The following SLIT3 variants were observed in gnomAD, a reference collection of about 807,000 sequenced individuals.
The protein encoded by SLIT3 is slit guidance ligand 3, also known as slit homolog 3 protein.
Under a neutral mutation model 184.0 loss-of-function variants are expected in SLIT3, and 68 were observed. The observed-to-expected ratio is 0.37, with a 90% CI of 0.30 to 0.45. The LOEUF (loss-of-function observed/expected upper bound fraction) is 0.45. Among genes scored for constraint, SLIT3 ranks in the 20% least tolerant of loss-of-function variants. The probability of loss-of-function intolerance (pLI) is 1.00; values close to 1 mark genes in which losing one functional copy is unlikely to be tolerated. For synonymous variants in SLIT3, 831 were observed against 828.6 expected (o/e 1.00, Z -0.05); for missense variants, 1,707 against 2,026.0 (o/e 0.84, Z 3.02).
chr5:169,204,049 G>T (rs1430767040), intron 3 of SLIT3, among the ~76,000 whole-genome samples: 1 of 152,156 alleles, frequency 6.6e-6, no homozygotes, highest in Non-Finnish European at 1.5e-5. Flanking sequence ...CGTGGGAGAT[G>T]AAGACAAGGC....
At chr5:169,044,255 A>T (rs1757545497) in intron 4 of SLIT3, among the ~76,000 whole-genome samples, 1 of 152,208 alleles carries the variant, frequency 6.6e-6, no homozygotes, top group Non-Finnish European at 1.5e-5. Context: ...TAAATATAGA[A>T]TTACCATGTG....
intron 4 of SLIT3, among the ~76,000 whole-genome samples, chr5:169,000,939 C>T (rs976570115): frequency 7.2e-5 from 11 of 152,246 alleles, no homozygotes; most frequent in South Asian, 2.1e-4. Flanking sequence ...TGAGTTGCGT[C>T]GGAAAGCTTT....
chr5:168,775,185 G>A (rs550654662), intron 12 of SLIT3, among the ~76,000 whole-genome samples: 33 of 152,040 alleles, frequency 2.2e-4, no homozygotes, highest in Middle Eastern at 3.4e-3. Flanking sequence ...TTACAGGTGT[G>A]CACCACCACG....
chr5:168,734,159 T>C (rs1037674762), intron 20 of SLIT3, among the ~76,000 whole-genome samples: 1 of 152,354 alleles, frequency 6.6e-6, no homozygotes, highest in South Asian at 2.1e-4. Context: ...AAACCTGTAC[T>C]TGTACCTCCT....
At chr5:168,825,478 T>A (rs750048006) in intron 6 of SLIT3, among the ~76,000 whole-genome samples, 1 of 152,232 alleles carries the variant, frequency 6.6e-6, no homozygotes, top group East Asian at 1.9e-4. Context: ...ATATTTACTG[T>A]GCACCTACCA....
intron 4 of SLIT3, among the ~76,000 whole-genome samples, chr5:168,884,126 C>T (rs1044031859): frequency 1.3e-5 from 2 of 151,298 alleles, no homozygotes; most frequent in South Asian, 2.1e-4. Context: ...GGTTTGTTTC[C>T]CACATTTAGT....
At chr5:169,129,042 C>T (rs141110241) in intron 4 of SLIT3, among the ~76,000 whole-genome samples, 26 of 152,214 alleles carry the variant, frequency 1.7e-4, no homozygotes, top group African/African-American at 6.0e-4. Flanking sequence ...GACTTGGACA[C>T]GGCAGGGGAG....
intron 1 of SLIT3, among the ~76,000 whole-genome samples, chr5:169,278,985 G>C (rs938116552): frequency 1.3e-5 from 2 of 152,120 alleles, no homozygotes. Flanking sequence ...ATGAGGACCC[G>C]GGAGAAAATC....
chr5:168,940,221 T>C (rs1468894761), intron 4 of SLIT3, among the ~76,000 whole-genome samples: 1 of 152,222 alleles, frequency 6.6e-6, no homozygotes, highest in African/African-American at 2.4e-5. Flanking sequence ...CTTGAAAAAG[T>C]ATGATAGCAG....
At chr5:168,986,518 C>G (rs1755137102) in intron 4 of SLIT3, among the ~76,000 whole-genome samples, 1 of 152,150 alleles carries the variant, frequency 6.6e-6, no homozygotes, top group South Asian at 2.1e-4. Flanking sequence ...GCATCCAGGC[C>G]CCCATCTCCA....
intron 4 of SLIT3, among the ~76,000 whole-genome samples, chr5:168,965,309 G>T (rs982968591): frequency 6.6e-6 from 1 of 152,172 alleles, no homozygotes; most frequent in Admixed American, 6.5e-5. Flanking sequence ...AGGCGACTTT[G>T]CTCACTTCAA....
At chr5:168,979,062 G>A (rs1754863261) in intron 4 of SLIT3, among the ~76,000 whole-genome samples, 2 of 152,144 alleles carry the variant, frequency 1.3e-5, no homozygotes, top group Non-Finnish European at 2.9e-5. Context: ...CCTTCCTTTG[G>A]TTTCAGAGCT....
In SLIT3 at chr5:168,823,311, A is replaced by ATGT. The variant is rs753454237; in HGVS notation, c.575_577dup (p.Asn192dup). On this transcript the variant is annotated inframe_insertion, in exon 7 of 36. Coordinates refer to ENST00000519560, the MANE Select transcript of SLIT3 (RefSeq NM_003062.4). ...GAAGCTGGTGACCAGGATGCGACTG[A>ATGT]TGTTGTTGTTGTTGAGGGTACTGTG... The ATGT allele has an allele frequency of 1.2e-6, 2 of 1,611,588 alleles. No homozygotes were observed. The highest frequency in any genetic ancestry group is 8.5e-7 in the Non-Finnish European group (1 of 1,177,836).
chr5:168,738,548 T>C (rs1437635028), intron 20 of SLIT3, among the ~76,000 whole-genome samples: 2 of 152,190 alleles, frequency 1.3e-5, no homozygotes, highest in African/African-American at 4.8e-5. Flanking sequence ...AACACTGTTT[T>C]TACCTAAAAG....
chr5:168,961,569 T>C lies in SLIT3; in HGVS notation c.414-78233A>G, dbSNP rs1281498275. On this transcript the variant is annotated intron_variant, in intron 4 of 35. Coordinates refer to ENST00000519560, the MANE Select transcript of SLIT3 (RefSeq NM_003062.4). ...GAGTGTTATAGGAGTTTAGAGAAAA[T>C]TGACCTAATGAGGAAGGCAGATGCT... Among the ~76,000 whole-genome samples, 3 of 152,022 alleles carry C rather than the reference T, an allele frequency of 2.0e-5. No individual in the cohort carries two copies. The East Asian group carries it at 5.8e-4, about 29-fold the overall frequency.
intron 14 of SLIT3, among the ~76,000 whole-genome samples, chr5:168,763,888 A>G (rs1054712093): frequency 1.3e-5 from 2 of 152,208 alleles, no homozygotes; most frequent in African/African-American, 4.8e-5. Flanking sequence ...TGTCCTGTAC[A>G]TGAGTATTGG....
chr5:168,703,128 T>C (rs1474307588), intron 26 of SLIT3, among the ~76,000 whole-genome samples: 1 of 152,146 alleles, frequency 6.6e-6, no homozygotes, highest in Non-Finnish European at 1.5e-5. Context: ...CCTGGTTAAT[T>C]AGCCTGATTC....
At position 169,266,907 on chromosome 5, in the gene SLIT3, C is replaced by T. The variant is rs114874011; in HGVS notation, c.198-15448G>A. On this transcript the variant is annotated intron_variant, in intron 1 of 35. Coordinates refer to ENST00000519560, the MANE Select transcript of SLIT3 (RefSeq NM_003062.4). ...AATTCTCACTGGCTTTGGATCCTAA[C>T]ACATATTACCTTAAGCAATGTTTTT... is the stretch of plus-strand genomic sequence containing the variant. Among the ~76,000 whole-genome samples, 453 of 152,276 alleles carry T rather than the reference C, an allele frequency of 3.0e-3. 7 individuals carry two copies. Among genetic ancestry groups the T allele is most frequent in the African/African-American group, 0.01 (428 of 41,536 alleles).
intron 6 of SLIT3, among the ~76,000 whole-genome samples, chr5:168,832,492 T>C (rs908793873): frequency 2.0e-5 from 3 of 152,226 alleles, no homozygotes; most frequent in Non-Finnish European, 4.4e-5. Context: ...CTGGCGAATA[T>C]CAAAGCATGA....
Sources: allele counts gnomAD v4.1 joint callset (sites outside exome capture counted in the v4.1 genomes callset), GRCh38; gene constraint gnomAD v4.1.1; transcripts MANE v1.5; gene names NCBI Gene and HGNC (gene_info 2026-07-23, HGNC 2026-07-21).